The following TRPC4 variants were observed in gnomAD, a reference collection of about 807,000 sequenced individuals.
TRPC4 encodes the protein transient receptor potential cation channel subfamily C member 4.
TRPC4 carries 49 observed loss-of-function variants against 99.4 expected under a neutral mutation model. The ratio of observed to expected loss-of-function variants is 0.49; its 90% CI spans 0.39 to 0.63. The LOEUF is 0.63. Ranked by LOEUF, TRPC4 falls within the 20% of genes least tolerant of loss-of-function variation. The pLI, the probability that TRPC4 is intolerant of heterozygous loss-of-function variation, is 0.00. For missense variants in TRPC4, 898 were observed against 1,152.9 expected (o/e 0.78, Z 3.20); for synonymous variants, 454 against 425.9 (o/e 1.07, Z -0.81).
chr13:37,666,079 C>A (rs1404932799), intron 5 of TRPC4, among the ~76,000 whole-genome samples: 1 of 152,150 alleles, frequency 6.6e-6, no homozygotes, highest in Non-Finnish European at 1.5e-5. Flanking sequence ...AAGATGGAGA[C>A]CTCCTGAGAA....
At chr13:37,700,359 G>C (rs1158708541) in intron 3 of TRPC4, among the ~76,000 whole-genome samples, 3 of 152,152 alleles carry the variant, frequency 2.0e-5, no homozygotes, top group Non-Finnish European at 4.4e-5. Flanking sequence ...GAATGGGCTG[G>C]TTCTCCAGTC....
At position 37,633,025 on chromosome 13, in the gene TRPC4, G is replaced by A. The variant is rs1056277165; in HGVS notation, c.*3878C>T. On this transcript the variant is annotated 3_prime_UTR_variant, in exon 11 of 11. Transcript: ENST00000379705. ...GCCCCAACTTGACCACCAAACACATGGGTAAATTTAGATAATTTCCATAAA... is the reference window on the plus strand; with the variant it reads ...GCCCCAACTTGACCACCAAACACATAGGTAAATTTAGATAATTTCCATAAA... Among the ~76,000 whole-genome samples, 1 of 151,962 alleles carries A rather than the reference G, an allele frequency of 6.6e-6. No homozygotes were observed. Among genetic ancestry groups the A allele is most frequent in the Non-Finnish European group, 1.5e-5 (1 of 68,002 alleles).
intron 3 of TRPC4, among the ~76,000 whole-genome samples, chr13:37,722,264 CA>C (rs2139039585): frequency 6.6e-6 from 1 of 152,308 alleles, no homozygotes; most frequent in East Asian, 1.9e-4. Flanking sequence ...TCAGCCCAAT[CA>C]GCCTGGGTGT....
intron 3 of TRPC4, among the ~76,000 whole-genome samples, chr13:37,725,070 AAAG>A (rs900578929): frequency 6.6e-6 from 1 of 152,158 alleles, no homozygotes; most frequent in African/African-American, 2.4e-5. Flanking sequence ...TTTTTTAAAA[AAAG>A]AAACAAAAAA....
rs762286864 is a variant in TRPC4, at chr13:37,783,033, A to G, written c.301T>C (p.Leu101=). ...SFNVYVGDAL[L]HAIRKEVVGA... ...ACGACTTCTTTTCTGATAGCATGTA[A>G]TAGAGCATCTCCAACATAGACATTA... The change falls in exon 2 of 11, where the codon TTA becomes CTA. Residue 101 remains leucine (L), a synonymous_variant. Coordinates refer to ENST00000379705, the MANE Select transcript of TRPC4 (RefSeq NM_016179.4). 14 of 1,612,816 alleles carry G rather than the reference A, an allele frequency of 8.7e-6. No individual in the cohort carries two copies. Among genetic ancestry groups the G allele is most frequent in the Admixed American group, 6.7e-5 (4 of 59,816 alleles).
chr13:37,715,895 A>T (rs1954646206), intron 3 of TRPC4, among the ~76,000 whole-genome samples: 2 of 152,174 alleles, frequency 1.3e-5, no homozygotes, highest in African/African-American at 4.8e-5. Flanking sequence ...GCTAGGAATT[A>T]TCCCTGCCAA....
chr13:37,690,542 G>A (rs1300984452), intron 4 of TRPC4, among the ~76,000 whole-genome samples: 4 of 152,126 alleles, frequency 2.6e-5, no homozygotes, highest in African/African-American at 9.7e-5. Flanking sequence ...CGATCCGCCC[G>A]CTTTGGCTTC....
At chr13:37,790,166 G>A (rs972634736) in intron 1 of TRPC4, among the ~76,000 whole-genome samples, 3 of 151,874 alleles carry the variant, frequency 2.0e-5, no homozygotes, top group Non-Finnish European at 2.9e-5. Context: ...AGAAACACAA[G>A]GGCCAATATC....
At chr13:37,732,011 C>A (rs554358625) in intron 3 of TRPC4, among the ~76,000 whole-genome samples, 3 of 152,186 alleles carry the variant, frequency 2.0e-5, no homozygotes, top group South Asian at 4.1e-4. Flanking sequence ...AGGTATTATA[C>A]AAATGGGTTG....
intron 1 of TRPC4, among the ~76,000 whole-genome samples, chr13:37,813,635 C>G (rs1957763590): frequency 6.6e-6 from 1 of 151,696 alleles, no homozygotes; most frequent in African/African-American, 2.4e-5. Flanking sequence ...GATGAGTAGA[C>G]AAATTTTTAG....
intron 1 of TRPC4, among the ~76,000 whole-genome samples, chr13:37,828,806 G>T (rs991136416): frequency 1.3e-5 from 2 of 152,068 alleles, no homozygotes; most frequent in African/African-American, 2.4e-5. Context: ...AACAAAGAAG[G>T]GAAAAACAGA....
intron 1 of TRPC4, among the ~76,000 whole-genome samples, chr13:37,812,179 A>AAAAAAAAAAAAACAAAC (rs1566188777): frequency 1.4e-5 from 2 of 146,610 alleles, no homozygotes; most frequent in African/African-American, 5.0e-5. Flanking sequence ...ACTCTATCAA[A>AAAAAAAAAAAAACAAAC]AAAAAAAAAA....
intron 10 of TRPC4, among the ~76,000 whole-genome samples, chr13:37,638,453 T>G (rs1448807298): frequency 6.6e-6 from 1 of 152,194 alleles, no homozygotes; most frequent in African/African-American, 2.4e-5. Flanking sequence ...TTTTTAAATT[T>G]GTTTGTTTGT....
At chr13:37,848,073 T>C (rs1958953040) in intron 1 of TRPC4, among the ~76,000 whole-genome samples, 1 of 152,158 alleles carries the variant, frequency 6.6e-6, no homozygotes, top group Non-Finnish European at 1.5e-5. Flanking sequence ...TGAGTTTGCC[T>C]TTTAGATTTA....
At chr13:37,819,462 T>A (rs1369032181) in intron 1 of TRPC4, among the ~76,000 whole-genome samples, 2 of 151,684 alleles carry the variant, frequency 1.3e-5, no homozygotes, top group Non-Finnish European at 2.9e-5. Context: ...ATAAAGAAAA[T>A]GTGATACACC....
intron 2 of TRPC4, among the ~76,000 whole-genome samples, chr13:37,747,769 T>C (rs1467060596): frequency 2.0e-5 from 3 of 152,162 alleles, no homozygotes; most frequent in Admixed American, 1.3e-4. Context: ...ATTTAAAATA[T>C]CCTTTACAGA....
intron 3 of TRPC4, among the ~76,000 whole-genome samples, chr13:37,744,228 G>A (rs559291165): frequency 5.9e-5 from 9 of 152,230 alleles, no homozygotes; most frequent in Non-Finnish European, 1.3e-4. Flanking sequence ...AGAAGATTTA[G>A]GCCATATCAA....
intron 3 of TRPC4, among the ~76,000 whole-genome samples, chr13:37,716,614 G>A (rs968575460): frequency 6.6e-6 from 1 of 151,980 alleles, no homozygotes; most frequent in Non-Finnish European, 1.5e-5. Context: ...TGTATGTGGT[G>A]GGAGGGGAGG....
At chr13:37,751,874 C>A (rs1294643652) in intron 2 of TRPC4, among the ~76,000 whole-genome samples, 1 of 151,576 alleles carries the variant, frequency 6.6e-6, no homozygotes, top group Non-Finnish European at 1.5e-5. Context: ...TCAAATCCAA[C>A]ATCATGGTAG....
Sources: allele counts gnomAD v4.1 joint callset (sites outside exome capture counted in the v4.1 genomes callset), GRCh38; gene constraint gnomAD v4.1.1; transcripts MANE v1.5; gene names NCBI Gene and HGNC (gene_info 2026-07-23, HGNC 2026-07-21).